ANXA4: variants seen among roughly 807,000 people sequenced by gnomAD.
The protein encoded by ANXA4 is 35-beta calcimedin.
A neutral mutation model predicts 49.8 loss-of-function variants in ANXA4; 39 were observed. The observed-to-expected ratio is 0.78, with a 90% CI of 0.61 to 1.02. The LOEUF (loss-of-function observed/expected upper bound fraction) is 1.02, where lower values mean the gene tolerates loss of function less well. ANXA4 is among the 50% of genes least tolerant of loss of function. The probability of loss-of-function intolerance (pLI) is 0.00; values close to 1 mark genes in which losing one functional copy is unlikely to be tolerated. For missense variants in ANXA4, 360 were observed against 410.1 expected (o/e 0.88, Z 1.05); for synonymous variants, 134 against 152.5 (o/e 0.88, Z 0.89).
intron 2 of ANXA4, among the ~76,000 whole-genome samples, chr2:69,678,090 G>A (rs1310687128): frequency 6.6e-6 from 1 of 152,058 alleles, no homozygotes; most frequent in Admixed American, 6.6e-5. Flanking sequence ...TCACCTTGTC[G>A]TGATATTTGC....
At chr2:69,645,710 A>G (rs1269196097) in intron 1 of ANXA4, among the ~76,000 whole-genome samples, 1 of 152,234 alleles carries the variant, frequency 6.6e-6, no homozygotes, top group Non-Finnish European at 1.5e-5. Flanking sequence ...TGCTCTGATC[A>G]GAAGCTGAGG....
chr2:69,690,849 G>A (rs1038481787), intron 2 of ANXA4, among the ~76,000 whole-genome samples: 1 of 152,104 alleles, frequency 6.6e-6, no homozygotes, highest in Admixed American at 6.6e-5. Flanking sequence ...GCTCTATTAA[G>A]CACCATGTTT....
chr2:69,649,924 A>ATT (rs35212855), intron 1 of ANXA4, among the ~76,000 whole-genome samples: 22 of 52,040 alleles, frequency 4.2e-4, no homozygotes, highest in Non-Finnish European at 4.9e-4. Context: ...GCCTGGCCTG[A>ATT]TTTTTTTTTT....
intron 2 of ANXA4, among the ~76,000 whole-genome samples, chr2:69,785,457 A>G (rs1424869495): frequency 6.6e-6 from 1 of 152,192 alleles, no homozygotes; most frequent in Non-Finnish European, 1.5e-5. Context: ...CTGCTTTGGC[A>G]TTACCCCATA....
At chr2:69,679,375 T>C (rs1028751048) in intron 2 of ANXA4, among the ~76,000 whole-genome samples, 1 of 152,224 alleles carries the variant, frequency 6.6e-6, no homozygotes, top group Admixed American at 6.5e-5. Flanking sequence ...CTTGAGTTGT[T>C]TGAGTTCCTT....
chr2:69,679,294 C>T (rs1029372230), intron 2 of ANXA4, among the ~76,000 whole-genome samples: 3 of 152,062 alleles, frequency 2.0e-5, no homozygotes, highest in African/African-American at 7.2e-5. Flanking sequence ...TGCCACCATG[C>T]CTGGCTAATT....
At chr2:69,648,767 G>A (rs2105296282) in intron 1 of ANXA4, among the ~76,000 whole-genome samples, 1 of 138,028 alleles carries the variant, frequency 7.2e-6, no homozygotes, top group Non-Finnish European at 1.5e-5. Context: ...CTTGCAGTGA[G>A]CCGAGAGTGC....
At chr2:69,691,997 C>T (rs1034577562) in intron 2 of ANXA4, among the ~76,000 whole-genome samples, 3 of 152,078 alleles carry the variant, frequency 2.0e-5, no homozygotes, top group Admixed American at 1.3e-4. Context: ...ACGATTCTCC[C>T]GCCTCAGCCT....
At chr2:69,699,008 T>G (rs891397721) in intron 2 of ANXA4, among the ~76,000 whole-genome samples, 7 of 152,160 alleles carry the variant, frequency 4.6e-5, no homozygotes, top group African/African-American at 1.7e-4. Flanking sequence ...TAGACTATAC[T>G]AATATCTTAA....
chr2:69,821,509 G>A (rs956485765), intron 12 of ANXA4, among the ~76,000 whole-genome samples: 3 of 151,736 alleles, frequency 2.0e-5, no homozygotes, highest in East Asian at 3.9e-4. Context: ...TCACTCTGTC[G>A]CCCAGGCTGG....
At chr2:69,717,600 G>T (rs961064704) in intron 2 of ANXA4, among the ~76,000 whole-genome samples, 2 of 152,164 alleles carry the variant, frequency 1.3e-5, no homozygotes, top group Admixed American at 1.3e-4. Context: ...ACCCGTCGCT[G>T]CATCTTTCTG....
chr2:69,675,043 C>T (rs1677351171), intron 2 of ANXA4, among the ~76,000 whole-genome samples: 1 of 152,002 alleles, frequency 6.6e-6, no homozygotes, highest in South Asian at 2.1e-4. Flanking sequence ...CTGCCTCAGC[C>T]TCCTGAGTAG....
chr2:69,819,449 T>G, intron 11 of ANXA4, 111 bp downstream of exon 11: 2 of 728,030 alleles, frequency 2.7e-6, no homozygotes, highest in South Asian at 3.5e-5. Context: ...TCCAATTCAA[T>G]TCATCAAATA....
At chr2:69,714,341 G>A (rs183830348) in intron 2 of ANXA4, among the ~76,000 whole-genome samples, 201 of 150,668 alleles carry the variant, frequency 1.3e-3, no homozygotes, top group African/African-American at 4.9e-3. Context: ...GAAGGATGCG[G>A]TGAGGACCAA....
chr2:69,701,442 C>G (rs1356776073), intron 2 of ANXA4, among the ~76,000 whole-genome samples: 3 of 152,150 alleles, frequency 2.0e-5, no homozygotes, highest in Non-Finnish European at 4.4e-5. Flanking sequence ...CTCTGGCTAC[C>G]TTGTAAAAGC....
intron 1 of ANXA4, among the ~76,000 whole-genome samples, chr2:69,760,326 A>G (rs1013082933): frequency 6.6e-6 from 1 of 152,230 alleles, no homozygotes; most frequent in African/African-American, 2.4e-5. Flanking sequence ...ATGGTTTAAA[A>G]ATCTAAAATC....
intron 2 of ANXA4, among the ~76,000 whole-genome samples, chr2:69,719,692 GC>G (rs1669766739): frequency 6.6e-6 from 1 of 152,072 alleles, no homozygotes; most frequent in Admixed American, 6.6e-5. Flanking sequence ...ACCTGCCTCA[GC>G]CTCCCAAAGT....
chr2:69,711,922 G>C (rs1035384823), intron 2 of ANXA4, among the ~76,000 whole-genome samples: 16 of 151,156 alleles, frequency 1.1e-4, no homozygotes, highest in African/African-American at 3.7e-4. Context: ...ATGATGGGGG[G>C]GTCTCTACTG....
intron 1 of ANXA4, among the ~76,000 whole-genome samples, chr2:69,769,479 G>A (rs1403148753): frequency 6.6e-6 from 1 of 152,096 alleles, no homozygotes; most frequent in Non-Finnish European, 1.5e-5. Context: ...CTTGTTAAGT[G>A]GAAATAATAG....
Sources: gnomAD v4.1 joint callset for allele counts (sites outside exome capture counted in the v4.1 genomes callset) on GRCh38, gnomAD v4.1.1 for gene constraint, MANE v1.5 for transcripts, NCBI Gene and HGNC (gene_info 2026-07-23, HGNC 2026-07-21) for gene names.